The following TECRL variants were observed in gnomAD, a reference collection of about 807,000 sequenced individuals.
TECRL encodes the protein trans-2,3-enoyl-CoA reductase-like.
Under a neutral mutation model 52.8 loss-of-function variants are expected in TECRL, and 63 were observed. The observed-to-expected ratio is 1.19, with a 90% CI of 0.97 to 1.47. The LOEUF (loss-of-function observed/expected upper bound fraction) is 1.47, where lower values mean the gene tolerates loss of function less well. Among genes scored for constraint, TECRL ranks in the 40% most tolerant of loss-of-function variants. The pLI, the probability that TECRL is intolerant of heterozygous loss-of-function variation, is 0.00. For synonymous variants in TECRL, 164 were observed against 141.9 expected, an observed-to-expected ratio of 1.16 and a Z score of -1.10; for missense variants, 482 against 429.6, an observed-to-expected ratio of 1.12 and a Z score of -1.08.
chr4:64,330,528 C>G (rs75679469), intron 2 of TECRL, among the ~76,000 whole-genome samples: 2 of 151,972 alleles, frequency 1.3e-5, no homozygotes, highest in Admixed American at 1.3e-4. Context: ...ATCAGCTGAG[C>G]GTGGTGGTTC....
At chr4:64,409,093 C>CAAATAAAT in intron 1 of TECRL, 25 bp downstream of exon 1, 1 of 1,538,626 alleles carries the variant, frequency 6.5e-7, no homozygotes, top group South Asian at 1.2e-5. Flanking sequence ...AACAAACAAA[C>CAAATAAAT]AAATAAATAA....
intron 6 of TECRL, among the ~76,000 whole-genome samples, chr4:64,305,724 G>T (rs1434113881): frequency 6.6e-6 from 1 of 152,064 alleles, no homozygotes; most frequent in African/African-American, 2.4e-5. Context: ...TTTCACTTAG[G>T]CACTCATGAG....
chr4:64,374,585 C>T (rs948903921), intron 2 of TECRL, among the ~76,000 whole-genome samples: 10 of 151,992 alleles, frequency 6.6e-5, no homozygotes, highest in South Asian at 6.2e-4. Flanking sequence ...CCACAGGCCC[C>T]GGTGTGTGAT....
chr4:64,283,350 A>T (rs1722924814), intron 9 of TECRL, among the ~76,000 whole-genome samples: 1 of 152,080 alleles, frequency 6.6e-6, no homozygotes, highest in Non-Finnish European at 1.5e-5. Flanking sequence ...GGAATGGCCC[A>T]AAAAGCAGAT....
At chr4:64,327,729 G>T (rs529934179) in intron 3 of TECRL, among the ~76,000 whole-genome samples, 2 of 152,084 alleles carry the variant, frequency 1.3e-5, no homozygotes, top group South Asian at 2.1e-4. Context: ...AGTTTCGAGA[G>T]ACTCAAAGAA....
chr4:64,358,485 T>A (rs1176573217), intron 2 of TECRL, among the ~76,000 whole-genome samples: 1 of 151,686 alleles, frequency 6.6e-6, no homozygotes, highest in Admixed American at 6.6e-5. Flanking sequence ...ATAGAAATAT[T>A]TTGATAGGAA....
chr4:64,312,068 T>G (rs1162472396), intron 5 of TECRL, among the ~76,000 whole-genome samples: 1 of 152,174 alleles, frequency 6.6e-6, no homozygotes, highest in African/African-American at 2.4e-5. Context: ...AGTCCCCGTG[T>G]GCGGAGGTTT....
At chr4:64,297,363 A>C (rs996072739) in intron 8 of TECRL, among the ~76,000 whole-genome samples, 2 of 151,310 alleles carry the variant, frequency 1.3e-5, no homozygotes, top group African/African-American at 4.8e-5. Flanking sequence ...TAAATGAATA[A>C]TACTTTCTTC....
intron 6 of TECRL, 67 bp from the exon 7 acceptor site, chr4:64,305,305 A>T (rs1211289920): frequency 3.4e-5 from 48 of 1,407,166 alleles, no homozygotes; most frequent in Non-Finnish European, 4.7e-5. Flanking sequence ...ATTGTGACAT[A>T]CATTTATATT....
chr4:64,282,231 A>G (rs983590918), intron 9 of TECRL, among the ~76,000 whole-genome samples: 2 of 152,072 alleles, frequency 1.3e-5, no homozygotes, highest in South Asian at 4.1e-4. Flanking sequence ...GAAACATTTT[A>G]GATAACAAAT....
At chr4:64,328,797 C>G (rs771109229) in intron 2 of TECRL, among the ~76,000 whole-genome samples, 1 of 151,788 alleles carries the variant, frequency 6.6e-6, no homozygotes, top group Admixed American at 6.6e-5. Context: ...GATTTTGGGA[C>G]TTGTTATATA....
At chr4:64,405,267 TA>T (rs1724629269) in intron 1 of TECRL, among the ~76,000 whole-genome samples, 3 of 152,254 alleles carry the variant, frequency 2.0e-5, no homozygotes, top group South Asian at 4.1e-4. Context: ...TGCCAGGATT[TA>T]ACAGGCTAGT....
intron 2 of TECRL, among the ~76,000 whole-genome samples, chr4:64,368,418 C>T (rs1001848980): frequency 3.3e-5 from 5 of 149,710 alleles, no homozygotes; most frequent in Admixed American, 6.8e-5. Context: ...GCCTCAGCCT[C>T]CTGAGTAGCT....
intron 2 of TECRL, among the ~76,000 whole-genome samples, chr4:64,373,502 T>C: frequency 6.6e-6 from 1 of 151,818 alleles, no homozygotes; most frequent in East Asian, 1.9e-4. Flanking sequence ...AACGCGTTCC[T>C]TTAAAAGTTT....
chr4:64,295,675 A>T (rs1325466766), intron 8 of TECRL, among the ~76,000 whole-genome samples: 1 of 151,858 alleles, frequency 6.6e-6, no homozygotes, highest in Non-Finnish European at 1.5e-5. Context: ...TTCTTTTTAC[A>T]TTAGATTCGA....
intron 1 of TECRL, among the ~76,000 whole-genome samples, chr4:64,395,855 C>G (rs1241851281): frequency 1.3e-5 from 2 of 152,088 alleles, no homozygotes; most frequent in African/African-American, 4.8e-5. Context: ...GCCCCAGTGT[C>G]TATTGTTCCC....
At chr4:64,294,407 C>T (rs931599939) in intron 8 of TECRL, among the ~76,000 whole-genome samples, 7 of 152,048 alleles carry the variant, frequency 4.6e-5, no homozygotes, top group African/African-American at 1.7e-4. Flanking sequence ...CATCTTTTTC[C>T]TTTGCCAAAC....
intron 5 of TECRL, among the ~76,000 whole-genome samples, chr4:64,310,670 A>C (rs1397748041): frequency 6.6e-6 from 1 of 152,192 alleles, no homozygotes; most frequent in South Asian, 2.1e-4. Flanking sequence ...GTGAAATCTC[A>C]AAAACTTTGG....
At chr4:64,384,792 C>T (rs752239602) in intron 1 of TECRL, among the ~76,000 whole-genome samples, 31 of 152,104 alleles carry the variant, frequency 2.0e-4, no homozygotes, top group Non-Finnish European at 3.5e-4. Flanking sequence ...TCCCTAGCCT[C>T]CTGGAAGTTA....
Sources: gnomAD v4.1 joint callset for allele counts (sites outside exome capture counted in the v4.1 genomes callset) on GRCh38, gnomAD v4.1.1 for gene constraint, MANE v1.5 for transcripts, NCBI Gene and HGNC (gene_info 2026-07-23, HGNC 2026-07-21) for gene names.